The following MCU variants were observed in gnomAD, a reference collection of about 807,000 sequenced individuals.
The protein encoded by MCU is calcium uniporter protein, mitochondrial.
In MCU, 12 loss-of-function variants were observed where a neutral mutation model predicts 45.2. The ratio of observed to expected loss-of-function variants is 0.27; its 90% CI spans 0.17 to 0.43. The LOEUF (loss-of-function observed/expected upper bound fraction) is 0.43, where lower values mean the gene tolerates loss of function less well. Among genes scored for constraint, MCU ranks in the 20% least tolerant of loss-of-function variants. The pLI, the probability that MCU is intolerant of heterozygous loss-of-function variation, is 1.00. For synonymous variants in MCU, 160 were observed against 165.1 expected, an observed-to-expected ratio of 0.97 and a Z score of 0.24; for missense variants, 324 against 436.7, an observed-to-expected ratio of 0.74 and a Z score of 2.30.
In MCU at chr10:72,720,043, T is replaced by C. The variant is rs1843000586; in HGVS notation, c.150+27742T>C. ...GGTGCAAAATACTACGCCCATCTAA[T>C]TAAATTTTTTTTTTTGGAGAGACAA... is the stretch of plus-strand genomic sequence containing the variant. On this transcript the variant is annotated intron_variant, in intron 1 of 7. Transcript: ENST00000373053. 1.3e-5 allele frequency among the ~76,000 whole-genome samples: 2 copies of C among 152,164 alleles called. 1 individual carries two copies. Among genetic ancestry groups the C allele is most frequent in the Admixed American group, 1.3e-4 (2 of 15,278 alleles).
At chr10:72,869,810 G>A (rs1845513357) in intron 5 of MCU, among the ~76,000 whole-genome samples, 1 of 151,952 alleles carries the variant, frequency 6.6e-6, no homozygotes, top group African/African-American at 2.4e-5. Flanking sequence ...TCTTGGTTTG[G>A]GGGGTATCCG....
intron 1 of MCU, among the ~76,000 whole-genome samples, chr10:72,704,335 C>T (rs776085780): frequency 6.6e-6 from 1 of 152,158 alleles, no homozygotes; most frequent in Non-Finnish European, 1.5e-5. Context: ...GTAGAAAGGC[C>T]ATTCAATTCA....
intron 2 of MCU, among the ~76,000 whole-genome samples, chr10:72,847,967 C>T (rs937502455): frequency 6.6e-6 from 1 of 152,176 alleles, no homozygotes; most frequent in Admixed American, 6.5e-5. Flanking sequence ...AGCAAGTGTA[C>T]AAGAGACCAA....
intron 1 of MCU, among the ~76,000 whole-genome samples, chr10:72,784,632 A>G (rs1844044783): frequency 6.6e-6 from 1 of 152,172 alleles, no homozygotes; most frequent in Admixed American, 6.5e-5. Flanking sequence ...GCTTCTGAAA[A>G]TGTTAATGTG....
chr10:72,762,386 G>A (rs1182474342), intron 1 of MCU, among the ~76,000 whole-genome samples: 1 of 151,608 alleles, frequency 6.6e-6, no homozygotes, highest in Non-Finnish European at 1.5e-5. Context: ...TACATACTAT[G>A]ATTTTAAAAA....
intron 1 of MCU, among the ~76,000 whole-genome samples, chr10:72,708,973 A>G (rs928807798): frequency 1.3e-5 from 2 of 151,794 alleles, no homozygotes; most frequent in African/African-American, 4.8e-5. Context: ...GTACCACTGT[A>G]CTCCAGCCTG....
chr10:72,711,125 G>T (rs1183311531), intron 1 of MCU, among the ~76,000 whole-genome samples: 5 of 151,090 alleles, frequency 3.3e-5, no homozygotes, highest in Admixed American at 3.3e-4. Flanking sequence ...GTTGCAGTGA[G>T]CCGAGATCAT....
intron 1 of MCU, among the ~76,000 whole-genome samples, chr10:72,781,857 G>A (rs1843999234): frequency 6.6e-6 from 1 of 152,088 alleles, no homozygotes; most frequent in Admixed American, 6.6e-5. Flanking sequence ...TTTAGTGACA[G>A]GATCTCTCTG....
At chr10:72,692,556 G>T in intron 1 of MCU, 1 of 1,089,870 alleles carries the variant, frequency 9.2e-7, no homozygotes, top group Non-Finnish European at 1.1e-6. Flanking sequence ...GGGGACACCA[G>T]GGCGGGGAAG....
At chr10:72,806,871 A>T (rs927631470) in intron 1 of MCU, among the ~76,000 whole-genome samples, 4 of 152,240 alleles carry the variant, frequency 2.6e-5, no homozygotes, top group African/African-American at 9.6e-5. Context: ...ATGCAAGGCC[A>T]TGAGGCCAGA....
chr10:72,730,237 A>G (rs1205605316), intron 1 of MCU, among the ~76,000 whole-genome samples: 1 of 151,688 alleles, frequency 6.6e-6, no homozygotes, highest in Admixed American at 6.6e-5. Flanking sequence ...CTGGGATTAC[A>G]GGCATGAGCC....
rs1842735350 is a variant in MCU at position 72,699,853 on chromosome 10, A to AG, written c.150+7552_150+7553insG. Among the ~76,000 whole-genome samples, 3 of 152,096 alleles carry AG rather than the reference A, an allele frequency of 2.0e-5. No individual in the cohort carries two copies. The South Asian group carries it at 6.2e-4, about 32-fold the overall frequency. The stretch of plus-strand genomic sequence containing the variant: ...ATGATCTGCGTGTCTTGGCCTCCCA[A>AG]AGTACTGGGGTTACAGGTGTGAGCC... On this transcript the variant is annotated intron_variant, in intron 1 of 7. Transcript: ENST00000373053.
intron 1 of MCU, among the ~76,000 whole-genome samples, chr10:72,819,976 A>G (rs759334814): frequency 1.3e-4 from 20 of 152,132 alleles, no homozygotes; most frequent in Non-Finnish European, 2.4e-4. Flanking sequence ...AATACATTTT[A>G]CCCATTGAAG....
At chr10:72,885,665 A>G (rs1399830537) in intron 7 of MCU, 80 bp from the exon 8 acceptor site, 2 of 877,636 alleles carry the variant, frequency 2.3e-6, no homozygotes, top group East Asian at 2.4e-5. Flanking sequence ...GTAATGGAGA[A>G]CAGTTTCCTT....
chr10:72,713,767 G>A (rs745805772), intron 1 of MCU, among the ~76,000 whole-genome samples: 1 of 151,966 alleles, frequency 6.6e-6, no homozygotes, highest in Non-Finnish European at 1.5e-5. Context: ...AGTACTTCAA[G>A]GTTTCTAAAT....
At chr10:72,744,653 G>C (rs1020867537) in intron 1 of MCU, among the ~76,000 whole-genome samples, 9 of 152,174 alleles carry the variant, frequency 5.9e-5, no homozygotes, top group Non-Finnish European at 1.2e-4. Flanking sequence ...TTAGGGAGGA[G>C]AAAATGCCAA....
At chr10:72,847,246 AT>A (rs1445989968) in intron 2 of MCU, among the ~76,000 whole-genome samples, 2 of 152,150 alleles carry the variant, frequency 1.3e-5, no homozygotes, top group Non-Finnish European at 2.9e-5. Context: ...AAGTGCTGGG[AT>A]TTAAGGCATG....
intron 1 of MCU, among the ~76,000 whole-genome samples, chr10:72,816,516 C>T (rs1425870591): frequency 6.6e-6 from 1 of 152,200 alleles, no homozygotes; most frequent in Non-Finnish European, 1.5e-5. Flanking sequence ...CACAGTGGCT[C>T]ACACATAATC....
chr10:72,866,400 G>T (rs1429649587), intron 4 of MCU, among the ~76,000 whole-genome samples: 1 of 151,846 alleles, frequency 6.6e-6, no homozygotes, highest in African/African-American at 2.4e-5. Flanking sequence ...TAATACTAGG[G>T]TTTTTTTGTG....
Sources: gnomAD v4.1 joint callset for allele counts (sites outside exome capture counted in the v4.1 genomes callset) on GRCh38, gnomAD v4.1.1 for gene constraint, MANE v1.5 for transcripts, NCBI Gene and HGNC (gene_info 2026-07-23, HGNC 2026-07-21) for gene names.